The following CHODL variants were observed in gnomAD, a reference collection of about 807,000 sequenced individuals.
CHODL encodes the protein chondrolectin.
A neutral mutation model predicts 34.5 loss-of-function variants in CHODL; 29 were observed. That is an observed-to-expected ratio of 0.84 (90% CI 0.63 to 1.15). The LOEUF (loss-of-function observed/expected upper bound fraction) is 1.15. Ranked by LOEUF, CHODL falls within the 50% of genes most tolerant of loss-of-function variation. CHODL has a pLI of 0.00. For synonymous variants in CHODL, 125 were observed against 116.1 expected, an observed-to-expected ratio of 1.08 and a Z score of -0.49; for missense variants, 332 against 332.5, an observed-to-expected ratio of 1.00 and a Z score of 0.01.
At chr21:18,106,603 C>A (rs1255592622) in intron 2 of CHODL, among the ~76,000 whole-genome samples, 1 of 151,164 alleles carries the variant, frequency 6.6e-6, no homozygotes, top group East Asian at 1.9e-4. Context: ...TCCCACCATT[C>A]TCCTGCCTCA....
chr21:18,178,967 G>A (rs2824684), intron 2 of CHODL, among the ~76,000 whole-genome samples: 89,546 of 152,026 alleles, frequency 0.59, 30,031 homozygotes, highest in Non-Finnish European at 0.77. Context: ...GGAGCCAATA[G>A]AGTAATGTCT....
chr21:18,120,934 T>C (rs1257882449), intron 2 of CHODL, among the ~76,000 whole-genome samples: 2 of 152,112 alleles, frequency 1.3e-5, no homozygotes, highest in African/African-American at 4.8e-5. Flanking sequence ...TTAGGGAAGA[T>C]GGCATGACAA....
In CHODL at chr21:18,012,701, C is replaced by T. The variant is rs77649678; in HGVS notation, c.-144-15171C>T. 7.3e-3 allele frequency among the ~76,000 whole-genome samples: 1,110 copies of T among 152,240 alleles called. 14 individuals carry two copies. Among genetic ancestry groups the T allele is most frequent in the African/African-American group, 0.025 (1,058 of 41,522 alleles). ...TTGCATTAAATTTAGTGTTTTCTTC[C>T]ACCATGTAAGACCTCCCAAGATCAG... On this transcript the variant is annotated intron_variant, in intron 1 of 6. Coordinates refer to the CHODL transcript ENST00000400127.
In CHODL at chr21:18,210,604, C is replaced by T. The variant is rs933188841; in HGVS notation, c.-44-45905C>T. On this transcript the variant is annotated intron_variant, in intron 2 of 6. Coordinates refer to the CHODL transcript ENST00000400127. ...GGTTAAAAACTCTGACTCCTCTTTT[C>T]GCATCTCCAGTAGACCCATCCAGTC... 1.4e-4 allele frequency among the ~76,000 whole-genome samples: 22 copies of T among 152,260 alleles called. No homozygotes were observed. The East Asian group carries it at 1.5e-3, about 11-fold the overall frequency.
chr21:18,118,953 T>A, intron 2 of CHODL, among the ~76,000 whole-genome samples: 1 of 152,112 alleles, frequency 6.6e-6, no homozygotes, highest in East Asian at 1.9e-4. Flanking sequence ...GATGGAAGAG[T>A]CAGCCGGCCT....
chr21:17,956,260 ATG>A lies in CHODL; in HGVS notation c.-145+38865_-145+38866del, dbSNP rs2063493090. The stretch of plus-strand genomic sequence containing the variant: ...TCACATGAGATCTGGTCTTTTAAAA[ATG>A]TGTGACACCTCCCCTCACTCTCTCT... On this transcript the variant is annotated intron_variant, in intron 1 of 6. Transcript: ENST00000400127. 5.2e-5 allele frequency among the ~76,000 whole-genome samples: 5 copies of A among 96,602 alleles called. 2 individuals are homozygous for A. In the Admixed American group the frequency reaches 5.6e-4, roughly 11 times the overall value. The allele number at this position is 96,602 out of a possible 152,430, so 63.4% of individuals were successfully genotyped here.
chr21:18,267,025 T>G lies in CHODL; in HGVS notation c.*987T>G, dbSNP rs2074471890. 2 of 152,196 alleles carry G rather than the reference T, an allele frequency of 1.3e-5. No individual in the cohort carries two copies. Among genetic ancestry groups the G allele is most frequent in the South Asian group, 4.1e-4 (2 of 4,824 alleles). 9.4% of individuals were successfully genotyped at this position (152,196 alleles called of 1,614,324 possible). On this transcript the variant is annotated 3_prime_UTR_variant, in exon 6 of 6. Coordinates refer to ENST00000299295, the MANE Select transcript of CHODL (RefSeq NM_024944.3). The stretch of plus-strand genomic sequence containing the variant: ...AGATAGTTGCAAAGTTAGTCTAAGG[T>G]TTCCCTAGCTGTATTTAGCCTCTGA...
chr21:18,041,172 T>G (rs930616122), intron 2 of CHODL, among the ~76,000 whole-genome samples: 1 of 151,896 alleles, frequency 6.6e-6, no homozygotes, highest in Admixed American at 6.6e-5. Flanking sequence ...ATTTTGTTCA[T>G]TTGTTATCGG....
At chr21:18,172,272 A>G (rs553990850) in intron 2 of CHODL, among the ~76,000 whole-genome samples, 9 of 152,266 alleles carry the variant, frequency 5.9e-5, no homozygotes, top group African/African-American at 2.2e-4. Flanking sequence ...GGAAAATGTT[A>G]TTCACAGTGA....
In CHODL at chr21:18,267,350, A is replaced by G. The variant is rs2074478582; in HGVS notation, c.*1312A>G. 6.6e-6 allele frequency: 1 copy of G among 152,236 alleles called. No homozygotes were observed. Among genetic ancestry groups the G allele is most frequent in the Admixed American group, 6.5e-5 (1 of 15,280 alleles). The allele number at this position is 152,236 out of a possible 1,614,324, so 9.4% of individuals were successfully genotyped here. A position where few individuals can be genotyped will look rare whatever the true frequency, so the allele number is the denominator to read the frequency against. On this transcript the variant is annotated 3_prime_UTR_variant, in exon 6 of 6. Transcript: ENST00000299295. ...CCCTGTGCTCCTTTTAACCAAATAA[A>G]GAGTTCTTGTTTCTGAAGAATGATG...
At chr21:18,153,993 C>A (rs530774838) in intron 2 of CHODL, among the ~76,000 whole-genome samples, 1 of 151,992 alleles carries the variant, frequency 6.6e-6, no homozygotes, top group African/African-American at 2.4e-5. Flanking sequence ...CCATCGACCT[C>A]CAGCCAGAAG....
At chr21:18,186,345 C>A (rs1218142624) in intron 2 of CHODL, among the ~76,000 whole-genome samples, 1 of 151,524 alleles carries the variant, frequency 6.6e-6, no homozygotes, top group East Asian at 1.9e-4. Flanking sequence ...AGGACAAATT[C>A]CATCAGAATG....
chr21:18,121,005 T>G (rs1249575221), intron 2 of CHODL, among the ~76,000 whole-genome samples: 1 of 152,322 alleles, frequency 6.6e-6, no homozygotes, highest in East Asian at 1.9e-4. Flanking sequence ...TGTAAAGCAT[T>G]AAAACATTTC....
chr21:17,972,091 T>C (rs2063619604), intron 1 of CHODL, among the ~76,000 whole-genome samples: 1 of 151,842 alleles, frequency 6.6e-6, no homozygotes, highest in African/African-American at 2.4e-5. Context: ...TGCAGAAAAA[T>C]TCAACACCCC....
intron 1 of CHODL, among the ~76,000 whole-genome samples, chr21:17,932,773 A>T (rs1242046127): frequency 6.6e-6 from 1 of 152,184 alleles, no homozygotes; most frequent in Admixed American, 6.5e-5. Context: ...AGGTGGAATG[A>T]GAGACTTGGA....
intron 2 of CHODL, among the ~76,000 whole-genome samples, chr21:18,076,454 T>A (rs896083623): frequency 6.6e-6 from 1 of 152,184 alleles, no homozygotes; most frequent in Non-Finnish European, 1.5e-5. Context: ...AAGCAAAATG[T>A]TGAAGGTATG....
intron 1 of CHODL, among the ~76,000 whole-genome samples, chr21:17,941,447 C>CTTTTT (rs75876564): frequency 1.6e-5 from 2 of 121,226 alleles, no homozygotes; most frequent in Admixed American, 8.4e-5. Flanking sequence ...AGGAGCTGGG[C>CTTTTT]TTTTTTTTTT....
chr21:18,254,458 T>C (rs1236959061), intron 1 of CHODL, among the ~76,000 whole-genome samples: 1 of 151,982 alleles, frequency 6.6e-6, no homozygotes, highest in Non-Finnish European at 1.5e-5. Flanking sequence ...GCATAAGAAA[T>C]AGTAACAGAG....
chr21:17,992,762 C>T (rs1159489650), intron 1 of CHODL, among the ~76,000 whole-genome samples: 2 of 102,264 alleles, frequency 2.0e-5, no homozygotes, highest in East Asian at 3.5e-4. Flanking sequence ...AGTTTCACTT[C>T]TGTTGCTTCA....
Sources: allele counts gnomAD v4.1 joint callset (sites outside exome capture counted in the v4.1 genomes callset), GRCh38; gene constraint gnomAD v4.1.1; transcripts MANE v1.5; gene names NCBI Gene and HGNC (gene_info 2026-07-23, HGNC 2026-07-21).